Variants in EPS15L1 observed in about 807,000 individuals in gnomAD.
EPS15L1 encodes epidermal growth factor receptor pathway substrate 15 like 1.
Under a neutral mutation model 117.1 loss-of-function variants are expected in EPS15L1, and 43 were observed. The observed-to-expected ratio is 0.37, with a 90% CI of 0.29 to 0.47. EPS15L1 has a LOEUF of 0.47. Among genes scored for constraint, EPS15L1 ranks in the 20% least tolerant of loss-of-function variants. EPS15L1 has a pLI of 0.99. For synonymous variants in EPS15L1, 459 were observed against 470.5 expected (o/e 0.98, Z 0.32); for missense variants, 981 against 1,164.0 (o/e 0.84, Z 2.29).
At chr19:16,388,660 T>A (rs1344970307) in intron 19 of EPS15L1, among the ~76,000 whole-genome samples, 2 of 151,904 alleles carry the variant, frequency 1.3e-5, no homozygotes, top group African/African-American at 4.8e-5. Context: ...ACCCCGTCTC[T>A]ACTAAAAATA....
intron 13 of EPS15L1, among the ~76,000 whole-genome samples, chr19:16,412,018 T>C (rs2092710774): frequency 6.6e-6 from 1 of 152,184 alleles, no homozygotes; most frequent in African/African-American, 2.4e-5. Context: ...TTAAATCATC[T>C]CTAGGTTATT....
intron 22 of EPS15L1, among the ~76,000 whole-genome samples, chr19:16,376,541 C>G (rs2092297933): frequency 6.6e-6 from 1 of 152,192 alleles, no homozygotes; most frequent in Admixed American, 6.5e-5. Context: ...GATGCCTGGG[C>G]AAGCTGGGGC....
Position 16,471,835 on chromosome 19 carries a change from C to T in EPS15L1, c.33+78G>A. ...CCCCGCCGCCGCCTGGCTGAGTCTC[C>T]CAGCGCCTCAGCCTCGCCGCACCGC... On this transcript the variant is annotated intron_variant, in intron 1 of 23. Transcript: ENST00000455140. This position sits in a 1 kb window ranked among gnomAD's most constrained non-coding sequence, Gnocchi z 4.8. The T allele has an allele frequency of 3.5e-6, 3 of 855,158 alleles. No individual in the cohort carries two copies. The highest frequency in any genetic ancestry group is 1.8e-5 in the African/African-American group (1 of 55,784). 53.0% of individuals were successfully genotyped at this position (855,158 alleles called of 1,614,324 possible).
At chr19:16,464,854 C>T (rs191738505) in intron 1 of EPS15L1, among the ~76,000 whole-genome samples, 24 of 152,216 alleles carry the variant, frequency 1.6e-4, no homozygotes, top group South Asian at 4.1e-4. Flanking sequence ...GAGGCCAAGG[C>T]GGGCAGATCA....
rs1278854426 is a variant in EPS15L1 at position 16,405,159 on chromosome 19, C to A, written c.1267-410G>T. On this transcript the variant is annotated intron_variant, in intron 13 of 23. Transcript: ENST00000455140. This position sits in a 1 kb window ranked among gnomAD's most constrained non-coding sequence, Gnocchi z 4.0. ...CACACCTTGTGGGCAGGGAAGATGC[C>A]CACAAAAGCAGCATTTAGGATGGGG... 6.6e-6 allele frequency among the ~76,000 whole-genome samples: 1 copy of A among 152,198 alleles called. No individual in the cohort carries two copies. The highest frequency in any genetic ancestry group is 2.4e-5 in the African/African-American group (1 of 41,452).
At chr19:16,363,981 ACAG>A (rs1426274049) in intron 22 of EPS15L1, among the ~76,000 whole-genome samples, 3 of 152,124 alleles carry the variant, frequency 2.0e-5, no homozygotes, top group Non-Finnish European at 4.4e-5. Context: ...TGCCCGTCCC[ACAG>A]GGTTCCACCG....
chr19:16,448,498 A>G (rs2093107048), intron 1 of EPS15L1, among the ~76,000 whole-genome samples: 1 of 141,516 alleles, frequency 7.1e-6, no homozygotes, highest in African/African-American at 2.7e-5. Flanking sequence ...CCATTGCACC[A>G]TTGCACTCCA....
intron 21 of EPS15L1, among the ~76,000 whole-genome samples, chr19:16,379,964 G>A (rs866330651): frequency 5.1e-4 from 77 of 151,818 alleles, no homozygotes; most frequent in African/African-American, 1.6e-3. Flanking sequence ...ACATAGACGC[G>A]GCTGTCTGAG....
chr19:16,470,150 G>A (rs1193776461), intron 1 of EPS15L1, among the ~76,000 whole-genome samples: 1 of 152,220 alleles, frequency 6.6e-6, no homozygotes, highest in Non-Finnish European at 1.5e-5. Context: ...GGGAGGCCAA[G>A]GCGGGTGGAT....
chr19:16,437,301 A>G (rs1043934761), intron 5 of EPS15L1, among the ~76,000 whole-genome samples: 2 of 152,248 alleles, frequency 1.3e-5, no homozygotes, highest in African/African-American at 4.8e-5. Context: ...GATGTGGTCC[A>G]TCCAGTAAAT....
chr19:16,449,134 C>T (rs1267592258), intron 1 of EPS15L1, among the ~76,000 whole-genome samples: 1 of 151,378 alleles, frequency 6.6e-6, no homozygotes, highest in Non-Finnish European at 1.5e-5. Context: ...ACTAGCCAGG[C>T]GTCGTGGTGC....
chr19:16,454,094 G>A (rs533455455), intron 1 of EPS15L1, among the ~76,000 whole-genome samples: 1 of 152,330 alleles, frequency 6.6e-6, no homozygotes, highest in Admixed American at 6.5e-5. Context: ...ACTGAGAAGT[G>A]ATGCAGGAGT....
chr19:16,407,928 G>C (rs540985928), intron 13 of EPS15L1, among the ~76,000 whole-genome samples: 3 of 152,320 alleles, frequency 2.0e-5, no homozygotes, highest in Non-Finnish European at 2.9e-5. Context: ...CAGAGACTGT[G>C]TCTCCAAACC....
At chr19:16,399,266 G>A (rs1236540765) in intron 16 of EPS15L1, among the ~76,000 whole-genome samples, 1 of 152,168 alleles carries the variant, frequency 6.6e-6, no homozygotes, top group Non-Finnish European at 1.5e-5. Context: ...AGTGGGAAAC[G>A]AGATTTCCCT....
At chr19:16,363,966 G>A (rs1319709595) in intron 22 of EPS15L1, among the ~76,000 whole-genome samples, 2 of 152,186 alleles carry the variant, frequency 1.3e-5, no homozygotes, top group African/African-American at 2.4e-5. Context: ...CTGCCTGTCC[G>A]CCTCTGCCCG....
chr19:16,369,974 C>T (rs1186231821), intron 22 of EPS15L1, among the ~76,000 whole-genome samples: 3 of 152,198 alleles, frequency 2.0e-5, no homozygotes, highest in Admixed American at 2.0e-4. Context: ...TTTGTTCCTC[C>T]CTACGGAGTG....
At chr19:16,366,858 G>A (rs973202668) in intron 22 of EPS15L1, among the ~76,000 whole-genome samples, 3 of 152,078 alleles carry the variant, frequency 2.0e-5, no homozygotes, top group South Asian at 4.1e-4. Context: ...TATTTTTAGC[G>A]GCTGTATTTT....
intron 21 of EPS15L1, among the ~76,000 whole-genome samples, chr19:16,382,719 T>C (rs1358520997): frequency 1.3e-5 from 2 of 152,080 alleles, no homozygotes; most frequent in African/African-American, 4.8e-5. Context: ...GAATCTGTTT[T>C]TAAAGTGAGC....
intron 21 of EPS15L1, chr19:16,384,396 T>C (rs2092397002): frequency 1.3e-5 from 2 of 152,512 alleles, no homozygotes; most frequent in Admixed American, 6.5e-5. Flanking sequence ...TTTCCAGCAG[T>C]TTCTTCCGGA....
Sources: allele counts gnomAD v4.1 joint callset (sites outside exome capture counted in the v4.1 genomes callset), GRCh38; gene constraint gnomAD v4.1.1; non-coding constraint Gnocchi (gnomAD v3.1); transcripts MANE v1.5; gene names NCBI Gene and HGNC (gene_info 2026-07-23, HGNC 2026-07-21).